PCDH9: variants seen among roughly 807,000 people sequenced by gnomAD.
The protein encoded by PCDH9 is protocadherin-9.
Under a neutral mutation model 70.6 loss-of-function variants are expected in PCDH9, and 24 were observed. That is an observed-to-expected ratio of 0.34 (90% CI 0.25 to 0.48). The LOEUF (loss-of-function observed/expected upper bound fraction) is 0.48, where lower values mean the gene tolerates loss of function less well. Among genes scored for constraint, PCDH9 ranks in the 20% least tolerant of loss-of-function variants. The probability of loss-of-function intolerance (pLI) is 0.99; values close to 1 mark genes in which losing one functional copy is unlikely to be tolerated. For missense variants in PCDH9, 1,281 were observed against 1,503.6 expected, an observed-to-expected ratio of 0.85 and a Z score of 2.45; for synonymous variants, 562 against 558.5, an observed-to-expected ratio of 1.01 and a Z score of -0.09.
At chr13:66,698,946 ACT>A in intron 3 of PCDH9, among the ~76,000 whole-genome samples, 1 of 115,082 alleles carries the variant, frequency 8.7e-6, no homozygotes, top group Admixed American at 1.2e-4. Flanking sequence ...ATGGAGTCTC[ACT>A]CTGTCGTCCA....
intron 3 of PCDH9, among the ~76,000 whole-genome samples, chr13:66,695,693 T>A (rs1346693822): frequency 6.6e-6 from 1 of 152,190 alleles, no homozygotes; most frequent in Non-Finnish European, 1.5e-5. Flanking sequence ...GGTCCTTATT[T>A]TATTTTAACA....
At chr13:66,766,943 T>C (rs576588696) in intron 3 of PCDH9, among the ~76,000 whole-genome samples, 31 of 152,178 alleles carry the variant, frequency 2.0e-4, no homozygotes, top group African/African-American at 7.0e-4. Context: ...TCGTTGTCAC[T>C]TGAAGGTATA....
intron 4 of PCDH9, among the ~76,000 whole-genome samples, chr13:66,524,757 C>A (rs115618853): frequency 0.016 from 2,383 of 152,066 alleles, 54 homozygotes; most frequent in African/African-American, 0.053. Flanking sequence ...TCTAGCAAAG[C>A]CAACACAAGC....
intron 2 of PCDH9, chr13:67,208,471 A>G (rs1180825545): frequency 6.6e-6 from 1 of 152,116 alleles, no homozygotes; most frequent in Non-Finnish European, 1.5e-5. Context: ...TATTTATGTC[A>G]CTTTTTTCCT....
intron 3 of PCDH9, among the ~76,000 whole-genome samples, chr13:66,782,061 G>A (rs550770861): frequency 2.6e-5 from 4 of 152,022 alleles, no homozygotes; most frequent in Non-Finnish European, 4.4e-5. Flanking sequence ...TTGGTATTTC[G>A]ACTCTCCCTA....
chr13:66,380,457 A>G (rs1956825041), intron 4 of PCDH9, among the ~76,000 whole-genome samples: 1 of 151,456 alleles, frequency 6.6e-6, no homozygotes, highest in Non-Finnish European at 1.5e-5. Flanking sequence ...ACGAAACTCC[A>G]TGGTGAATTG....
chr13:66,862,153 T>C (rs1186168188), intron 3 of PCDH9, among the ~76,000 whole-genome samples: 2 of 152,248 alleles, frequency 1.3e-5, no homozygotes, highest in African/African-American at 4.8e-5. Context: ...TTTGTAGTCA[T>C]TTAAATAATA....
chr13:66,434,831 A>T (rs1430811065), intron 4 of PCDH9, among the ~76,000 whole-genome samples: 1 of 152,118 alleles, frequency 6.6e-6, no homozygotes, highest in African/African-American at 2.4e-5. Context: ...AAGGGTCTAT[A>T]AGTCAAACTC....
intron 2 of PCDH9, among the ~76,000 whole-genome samples, chr13:67,063,921 G>C (rs777906728): frequency 1.3e-5 from 2 of 152,146 alleles, no homozygotes; most frequent in Admixed American, 1.3e-4. Flanking sequence ...CAAGAGTCCA[G>C]CCTATAGGAA....
intron 2 of PCDH9, chr13:67,208,732 G>A (rs2089408306): frequency 6.6e-6 from 1 of 152,114 alleles, no homozygotes; most frequent in Non-Finnish European, 1.5e-5. Context: ...AAAGCAGCAG[G>A]AGCTGCCAAT....
At chr13:66,418,363 A>G (rs1157291119) in intron 4 of PCDH9, among the ~76,000 whole-genome samples, 1 of 152,152 alleles carries the variant, frequency 6.6e-6, no homozygotes, top group Admixed American at 6.5e-5. Context: ...ATTGGTCTAC[A>G]TATCTCTTTT....
At chr13:67,175,754 A>T (rs919826141) in intron 2 of PCDH9, among the ~76,000 whole-genome samples, 3 of 152,126 alleles carry the variant, frequency 2.0e-5, no homozygotes, top group Non-Finnish European at 4.4e-5. Flanking sequence ...AACTGTCTAA[A>T]CTCACCTAAA....
intron 3 of PCDH9, among the ~76,000 whole-genome samples, chr13:66,792,106 A>G (rs1203157073): frequency 2.6e-5 from 4 of 152,190 alleles, no homozygotes; most frequent in Non-Finnish European, 5.9e-5. Flanking sequence ...GTGGTTTTAT[A>G]TAAGTCAGTA....
intron 2 of PCDH9, among the ~76,000 whole-genome samples, chr13:66,973,161 C>T (rs1478459062): frequency 6.6e-6 from 1 of 151,908 alleles, no homozygotes; most frequent in Non-Finnish European, 1.5e-5. Context: ...CTTTGAGGAG[C>T]TCTACATTTT....
intron 2 of PCDH9, among the ~76,000 whole-genome samples, chr13:67,145,080 AGGG>A (rs1266176308): frequency 1.3e-5 from 2 of 152,124 alleles, no homozygotes; most frequent in African/African-American, 4.8e-5. Flanking sequence ...ATAGAATAAC[AGGG>A]GAATGAAAGT....
In PCDH9 at chr13:66,785,147, T is replaced by C. The variant is rs148056150; in HGVS notation, c.3138+118357A>G. ...GATAGCAGCTTCATCAGCCATGGCA[T>C]TATTCTCCAAAAGTAAATAACTTTT... On this transcript the variant is annotated intron_variant, in intron 3 of 4. Transcript: ENST00000377865. Among the ~76,000 whole-genome samples the C allele has an allele frequency of 7.2e-3, 1,092 of 152,230 alleles. 11 individuals carry two copies. The highest frequency in any genetic ancestry group is 0.025 in the African/African-American group (1,038 of 41,572).
At chr13:66,490,021 T>A (rs559444615) in intron 4 of PCDH9, among the ~76,000 whole-genome samples, 1 of 152,346 alleles carries the variant, frequency 6.6e-6, no homozygotes, top group African/African-American at 2.4e-5. Context: ...AGGGTACATG[T>A]GCACAACGTG....
intron 4 of PCDH9, among the ~76,000 whole-genome samples, chr13:66,437,404 CAAA>C (rs66796123): frequency 0.058 from 2,654 of 45,428 alleles, 64 homozygotes; most frequent in African/African-American, 0.18. Flanking sequence ...GACTCTGTCT[CAAA>C]AAAAAAAAAA....
intron 4 of PCDH9, among the ~76,000 whole-genome samples, chr13:66,626,996 C>A (rs112496182): frequency 7.2e-6 from 1 of 138,300 alleles, no homozygotes; most frequent in Non-Finnish European, 1.6e-5. Context: ...TGTTTAGAAG[C>A]AATAACCTAT....
Sources: gnomAD v4.1 joint callset for allele counts (sites outside exome capture counted in the v4.1 genomes callset) on GRCh38, gnomAD v4.1.1 for gene constraint, MANE v1.5 for transcripts, NCBI Gene and HGNC (gene_info 2026-07-23, HGNC 2026-07-21) for gene names.